Variants in SYNRG observed in about 807,000 individuals in gnomAD.
SYNRG encodes AP1 gamma subunit binding protein 1.
Under a neutral mutation model 130.9 loss-of-function variants are expected in SYNRG, and 37 were observed. The ratio of observed to expected loss-of-function variants is 0.28; its 90% confidence interval spans 0.22 to 0.37. The LOEUF is 0.37. SYNRG is among the 10% of genes least tolerant of loss of function. The pLI, the probability that SYNRG is intolerant of heterozygous loss-of-function variation, is 1.00. For missense variants in SYNRG, 1,338 were observed against 1,588.9 expected, an observed-to-expected ratio of 0.84 and a Z score of 2.68; for synonymous variants, 539 against 568.1, an observed-to-expected ratio of 0.95 and a Z score of 0.73.
At chr17:37,580,478 C>T (rs1026493933) in intron 6 of SYNRG, among the ~76,000 whole-genome samples, 5 of 121,956 alleles carry the variant, frequency 4.1e-5, no homozygotes, top group Non-Finnish European at 4.9e-5. Flanking sequence ...CTTTGTATTT[C>T]GTGTGTGTGT....
intron 6 of SYNRG, among the ~76,000 whole-genome samples, chr17:37,578,844 A>T (rs1191717408): frequency 6.6e-6 from 1 of 152,226 alleles, no homozygotes; most frequent in Non-Finnish European, 1.5e-5. Flanking sequence ...GATATCGGTG[A>T]ATCTCCCAAA....
intron 6 of SYNRG, among the ~76,000 whole-genome samples, chr17:37,578,774 C>T (rs1226715135): frequency 8.5e-5 from 13 of 152,248 alleles, no homozygotes; most frequent in Admixed American, 6.5e-4. Flanking sequence ...TGCCCTGTCA[C>T]TGAAGCTGAA....
chr17:37,544,361 C>G (rs1435069838), intron 14 of SYNRG, among the ~76,000 whole-genome samples: 1 of 151,510 alleles, frequency 6.6e-6, no homozygotes, highest in Admixed American at 6.6e-5. Flanking sequence ...GTCACCCAGC[C>G]TGGAGTGCAA....
At chr17:37,601,994 C>T (rs118130438) in intron 1 of SYNRG, among the ~76,000 whole-genome samples, 21,982 of 151,530 alleles carry the variant, frequency 0.15, 1,936 homozygotes, top group Middle Eastern at 0.27. Flanking sequence ...TAAGCCTGGG[C>T]GACAGAGTGA....
chr17:37,570,564 G>GT (rs1300850503), intron 10 of SYNRG, 73 bp downstream of exon 10: 2 of 1,528,354 alleles, frequency 1.3e-6, no homozygotes, highest in Non-Finnish European at 1.8e-6. Context: ...CCTACTCTAT[G>GT]TATCCCCGGA....
intron 11 of SYNRG, chr17:37,567,539 T>C (rs755733608): frequency 7.2e-5 from 11 of 152,238 alleles, no homozygotes; most frequent in Admixed American, 2.0e-4. Context: ...AAGGTTTAAC[T>C]TGTGTTGGTG....
intron 14 of SYNRG, among the ~76,000 whole-genome samples, chr17:37,544,439 C>T (rs1294129955): frequency 3.3e-5 from 5 of 151,948 alleles, no homozygotes; most frequent in Admixed American, 1.3e-4. Context: ...CTCAGCCTCT[C>T]GATTAGTTGG....
chr17:37,559,145 T>C (rs1423515082), intron 13 of SYNRG, among the ~76,000 whole-genome samples: 1 of 152,178 alleles, frequency 6.6e-6, no homozygotes, highest in African/African-American at 2.4e-5. Context: ...AAGAGTAGAA[T>C]CAAATCTTAT....
chr17:37,555,800 G>C lies in SYNRG; in HGVS notation c.1664-1741C>G, dbSNP rs9897332. On this transcript the variant is annotated intron_variant, in intron 13 of 21. Coordinates refer to ENST00000612223, the MANE Select transcript of SYNRG (RefSeq NM_007247.6). ...ACATGCCTGTAATCCCAGCTACTCGGGAGGCTGAGGCACAAGAATTGTTTG... is the reference window on the plus strand; with the variant it reads ...ACATGCCTGTAATCCCAGCTACTCGCGAGGCTGAGGCACAAGAATTGTTTG... Among the ~76,000 whole-genome samples the C allele has an allele frequency of 2.6e-3, 391 of 152,220 alleles. 2 individuals carry two copies. Among genetic ancestry groups the C allele is most frequent in the African/African-American group, 8.6e-3 (358 of 41,540 alleles).
intron 1 of SYNRG, 166 bp from the exon 2 acceptor site, chr17:37,600,569 CATG>C: frequency 9.4e-6 from 7 of 744,846 alleles, no homozygotes; most frequent in Non-Finnish European, 1.5e-5. Flanking sequence ...CCATAGGATG[CATG>C]TCAGCATGCT....
intron 4 of SYNRG, among the ~76,000 whole-genome samples, chr17:37,585,720 A>G (rs2061644199): frequency 6.6e-6 from 1 of 152,218 alleles, no homozygotes; most frequent in Non-Finnish European, 1.5e-5. Context: ...TTCTCGAAAA[A>G]CAGGCAGACA....
At chr17:37,597,407 AC>A (rs2062868781) in intron 2 of SYNRG, among the ~76,000 whole-genome samples, 1 of 152,226 alleles carries the variant, frequency 6.6e-6, no homozygotes, top group African/African-American at 2.4e-5. Context: ...TTGTTACACA[AC>A]AGCAGATAAC....
At chr17:37,558,164 T>C (rs2059256164) in intron 13 of SYNRG, among the ~76,000 whole-genome samples, 2 of 152,180 alleles carry the variant, frequency 1.3e-5, no homozygotes. Context: ...AAAGCTTGGA[T>C]AAAACACAAG....
At chr17:37,579,140 G>A (rs1229541736) in intron 6 of SYNRG, 2 of 1,181,438 alleles carry the variant, frequency 1.7e-6, no homozygotes, top group African/African-American at 3.2e-5. Context: ...ACCTGCTTCT[G>A]GTACACTGTG....
chr17:37,591,044 A>C (rs2062139608), intron 3 of SYNRG, among the ~76,000 whole-genome samples: 1 of 152,212 alleles, frequency 6.6e-6, no homozygotes, highest in African/African-American at 2.4e-5. Context: ...AAAATCTGAT[A>C]AAGGTAGGAC....
Position 37,553,947 on chromosome 17 carries a change from T to C in SYNRG, c.1776A>G (p.Pro592=), listed in dbSNP as rs763909127. The C allele has an allele frequency of 8.3e-5, 134 of 1,609,894 alleles. No homozygotes were observed. The highest frequency in any genetic ancestry group is 1.7e-4 in the Admixed American group (10 of 58,166). The part of the protein sequence containing the change: ...LEPPTKDKTF[P]PSFPSGTIQQ... ...GTATAGTTCCTGAGGGGAAGGATGG[T>C]GGAAAAGTTTTGTCTTTTGTTGGTG... The change falls in exon 14 of 22, where the codon CCA becomes CCG. Residue 592 remains proline, a synonymous_variant. Coordinates refer to ENST00000612223, the MANE Select transcript of SYNRG (RefSeq NM_007247.6).
intron 11 of SYNRG, among the ~76,000 whole-genome samples, chr17:37,562,118 T>C (rs1006249778): frequency 2.6e-5 from 4 of 152,194 alleles, no homozygotes; most frequent in African/African-American, 9.6e-5. Context: ...AAATGTAAAT[T>C]GTTTTTCTTC....
intron 11 of SYNRG, among the ~76,000 whole-genome samples, chr17:37,566,260 A>C (rs1221824654): frequency 6.6e-6 from 1 of 151,144 alleles, no homozygotes; most frequent in Non-Finnish European, 1.5e-5. Context: ...AGAAGTAGAC[A>C]TGGGAGACTT....
At position 37,541,930 on chromosome 17, in the gene SYNRG, A is replaced by G. The variant is rs562213167; in HGVS notation, c.3202+42T>C. Reference sequence around the variant, plus strand: ...TTAAGAACATCTAACATCTCAGTGGAAAAAAACCACAATAGTAAAATCTAC... The same window carrying G: ...TTAAGAACATCTAACATCTCAGTGGGAAAAAACCACAATAGTAAAATCTAC... On this transcript the variant is annotated intron_variant, in intron 15 of 21. Transcript: ENST00000612223. The G allele has an allele frequency of 1.7e-3, 2,681 of 1,556,196 alleles. 8 individuals carry two copies. The highest frequency in any genetic ancestry group is 1.3e-3 in the Non-Finnish European group (1,448 of 1,141,802).
Sources: allele counts gnomAD v4.1 joint callset (sites outside exome capture counted in the v4.1 genomes callset), GRCh38; gene constraint gnomAD v4.1.1; transcripts MANE v1.5; gene names NCBI Gene and HGNC (gene_info 2026-07-23, HGNC 2026-07-21).